VPS8: variants seen among roughly 807,000 people sequenced by gnomAD.
VPS8 encodes vacuolar protein sorting-associated protein 8 homolog.
In VPS8, 129 loss-of-function variants were observed where a neutral mutation model predicts 216.4. The ratio of observed to expected loss-of-function variants is 0.60; its 90% CI spans 0.52 to 0.69. The LOEUF (loss-of-function observed/expected upper bound fraction) is 0.69, where lower values mean the gene tolerates loss of function less well. Ranked by LOEUF, VPS8 falls within the 30% of genes least tolerant of loss-of-function variation. The pLI is 0.00. For synonymous variants in VPS8, 571 were observed against 565.4 expected (o/e 1.01, Z -0.14); for missense variants, 1,531 against 1,683.5 (o/e 0.91, Z 1.59).
At chr3:184,881,491 A>G (rs919652609) in intron 21 of VPS8, among the ~76,000 whole-genome samples, 4 of 152,046 alleles carry the variant, frequency 2.6e-5, no homozygotes, top group South Asian at 2.1e-4. Context: ...TAGGTTTTCT[A>G]TTTTGTTCCA....
intron 44 of VPS8, 29 bp downstream of exon 44, chr3:184,996,530 A>T: frequency 6.3e-7 from 1 of 1,585,820 alleles, no homozygotes; most frequent in Non-Finnish European, 8.6e-7. Flanking sequence ...TGTTACATGT[A>T]TGGTACATGT....
intron 21 of VPS8, among the ~76,000 whole-genome samples, chr3:184,873,569 C>T (rs1728731289): frequency 6.6e-6 from 1 of 152,048 alleles, no homozygotes. Context: ...GGTCACAAAG[C>T]TAATAAATGA....
intron 15 of VPS8, among the ~76,000 whole-genome samples, chr3:184,861,946 T>C (rs1726456838): frequency 6.6e-6 from 1 of 152,222 alleles, no homozygotes. Context: ...AAGATTTGCA[T>C]ATCAAACTCC....
In VPS8 at chr3:184,907,328, G is replaced by A. The variant is rs550876186; in HGVS notation, c.2147-6191G>A. Among the ~76,000 whole-genome samples, 6 of 152,304 alleles carry A rather than the reference G, an allele frequency of 3.9e-5. No individual in the cohort carries two copies. In the South Asian group the frequency reaches 1.2e-3, roughly 32 times the overall value. Reference sequence around the variant, plus strand: ...AGAGAAAGAAATTAGATATGCATTTGTCTCCAGTGAGCCTCAGAGGGATGA... The same window carrying A: ...AGAGAAAGAAATTAGATATGCATTTATCTCCAGTGAGCCTCAGAGGGATGA... On this transcript the variant is annotated intron_variant, in intron 25 of 47. Coordinates refer to ENST00000625842, the MANE Select transcript of VPS8 (RefSeq NM_001009921.3).
intron 17 of VPS8, 100 bp downstream of exon 17, chr3:184,867,050 A>G: frequency 9.4e-7 from 1 of 1,068,178 alleles, no homozygotes; most frequent in Admixed American, 2.4e-5. Context: ...CAAAGTGAAT[A>G]TTGGTCAGCA....
intron 44 of VPS8, among the ~76,000 whole-genome samples, chr3:184,998,104 G>T (rs534244685): frequency 6.6e-6 from 1 of 152,170 alleles, no homozygotes; most frequent in South Asian, 2.1e-4. Context: ...CTTCAGAGGA[G>T]CAGAGGCCAA....
At position 184,890,964 on chromosome 3, in the gene VPS8, T is replaced by C. The variant is rs530441449; in HGVS notation, c.1782-3739T>C. 1.3e-4 allele frequency among the ~76,000 whole-genome samples: 20 copies of C among 152,278 alleles called. No individual in the cohort carries two copies. The South Asian group carries it at 1.4e-3, about 11-fold the overall frequency. ...TTTGTCATTTTACCTATGCAAAATA[T>C]AGGCTATATGTTAGCATATATATGG... On this transcript the variant is annotated intron_variant, in intron 22 of 47. Coordinates refer to ENST00000625842, the MANE Select transcript of VPS8 (RefSeq NM_001009921.3).
intron 47 of VPS8, among the ~76,000 whole-genome samples, chr3:185,051,020 A>G (rs1354281778): frequency 6.6e-6 from 1 of 152,208 alleles, no homozygotes; most frequent in Non-Finnish European, 1.5e-5. Flanking sequence ...GACCCTAATC[A>G]GGCAGGAAGT....
At chr3:184,869,437 T>C (rs1361535545) in intron 19 of VPS8, 45 bp from the exon 20 acceptor site, 4 of 1,596,672 alleles carry the variant, frequency 2.5e-6, no homozygotes, top group African/African-American at 2.7e-5. Context: ...CTCCTAAAGA[T>C]GTGGACTAAC....
At chr3:184,927,951 G>GT (rs1362056860) in intron 31 of VPS8, among the ~76,000 whole-genome samples, 4 of 152,108 alleles carry the variant, frequency 2.6e-5, no homozygotes, top group Non-Finnish European at 4.4e-5. Context: ...ACTACATTTT[G>GT]TTTATTCATT....
intron 43 of VPS8, among the ~76,000 whole-genome samples, chr3:184,995,554 A>T (rs1402991223): frequency 6.6e-6 from 1 of 152,246 alleles, no homozygotes; most frequent in Non-Finnish European, 1.5e-5. Context: ...AAAGTTAAAG[A>T]GTTAAGCTGT....
chr3:184,925,291 C>G (rs746229079), intron 30 of VPS8, among the ~76,000 whole-genome samples: 1 of 152,164 alleles, frequency 6.6e-6, no homozygotes, highest in Non-Finnish European at 1.5e-5. Context: ...CTATTATGAC[C>G]ATCACCTGGA....
chr3:184,833,607 C>T (rs1720462356), intron 4 of VPS8, among the ~76,000 whole-genome samples: 1 of 152,184 alleles, frequency 6.6e-6, no homozygotes, highest in African/African-American at 2.4e-5. Context: ...GTCAGAACTC[C>T]TCTGCATGGC....
intron 35 of VPS8, among the ~76,000 whole-genome samples, chr3:184,939,581 G>A: frequency 6.7e-6 from 1 of 148,200 alleles, no homozygotes; most frequent in Non-Finnish European, 1.5e-5. Flanking sequence ...TCCACATAAG[G>A]AAATTGAATT....
intron 3 of VPS8, among the ~76,000 whole-genome samples, chr3:184,832,302 TC>T (rs986368026): frequency 2.0e-5 from 3 of 152,150 alleles, no homozygotes; most frequent in African/African-American, 7.2e-5. Context: ...TGTCTGCTTG[TC>T]ATTTTTTTTT....
intron 29 of VPS8, among the ~76,000 whole-genome samples, chr3:184,923,699 C>G (rs1168796192): frequency 2.0e-5 from 3 of 152,166 alleles, no homozygotes; most frequent in Non-Finnish European, 4.4e-5. Flanking sequence ...CCTCTTCCTG[C>G]ATGCTGCTGC....
At position 184,949,691 on chromosome 3, in the gene VPS8, T is replaced by C. The variant is rs191713018; in HGVS notation, c.3036-7683T>C. 1.2e-3 allele frequency among the ~76,000 whole-genome samples: 177 copies of C among 152,322 alleles called. 2 individuals carry two copies. The highest frequency in any genetic ancestry group is 4.1e-3 in the African/African-American group (169 of 41,580). ...TCATACAGATTTTATAGATACTGTC[T>C]TTACTACCTGTAATAATCACATTTA... On this transcript the variant is annotated intron_variant, in intron 36 of 47. Coordinates refer to ENST00000625842, the MANE Select transcript of VPS8 (RefSeq NM_001009921.3).
intron 22 of VPS8, among the ~76,000 whole-genome samples, chr3:184,886,886 TA>T (rs1333801101): frequency 6.6e-6 from 1 of 152,172 alleles, no homozygotes; most frequent in African/African-American, 2.4e-5. Context: ...GCCTGGTATA[TA>T]TGCTTTTATG....
At chr3:184,919,253 G>A (rs931040131) in intron 28 of VPS8, 3 of 152,186 alleles carry the variant, frequency 2.0e-5, no homozygotes, top group African/African-American at 7.2e-5. Context: ...GGGACAATGC[G>A]TAGTTCATTT....
Sources: gnomAD v4.1 joint callset for allele counts (sites outside exome capture counted in the v4.1 genomes callset) on GRCh38, gnomAD v4.1.1 for gene constraint, MANE v1.5 for transcripts, NCBI Gene and HGNC (gene_info 2026-07-23, HGNC 2026-07-21) for gene names.